The following GBP3 variants were observed in gnomAD, a reference collection of about 807,000 sequenced individuals.
GBP3 encodes the protein guanylate-binding protein 3.
A neutral mutation model predicts 62.4 loss-of-function variants in GBP3; 55 were observed. The observed-to-expected ratio is 0.88, with a 90% CI of 0.71 to 1.10. The LOEUF (loss-of-function observed/expected upper bound fraction) is 1.10, where lower values mean the gene tolerates loss of function less well. Among genes scored for constraint, GBP3 ranks in the 50% least tolerant of loss-of-function variants. GBP3 has a pLI of 0.00. For synonymous variants in GBP3, 208 were observed against 259.2 expected, an observed-to-expected ratio of 0.80 and a Z score of 1.90; for missense variants, 605 against 690.6, an observed-to-expected ratio of 0.88 and a Z score of 1.39.
At position 89,014,588 on chromosome 1, in the gene GBP3, A is replaced by G. The variant is rs909387726; in HGVS notation, c.387T>C (p.Asn129=). The G allele has an allele frequency of 2.5e-6, 4 of 1,613,978 alleles. No individual in the cohort carries two copies. Among genetic ancestry groups the G allele is most frequent in the Non-Finnish European group, 3.4e-6 (4 of 1,179,996 alleles). Residue 129 remains asparagine (N), a synonymous_variant, in exon 4 of 11, where the codon AAT becomes AAC. Transcript: ENST00000370481. ...CCTGCTGGTTGATGGTTCCCATGCT[A>G]TTGTACACGAGAGTGCTGCTCAGGA... ...AVLLSSTLVY[N]SMGTINQQAM...
At chr1:89,013,770 C>A in intron 5 of GBP3, 1 of 404,372 alleles carries the variant, frequency 2.5e-6, no homozygotes, top group Non-Finnish European at 4.4e-6. Context: ...GAATCACGAA[C>A]CCTACATAAG....
chr1:89,008,200 ATAT>A (rs559832817), intron 10 of GBP3, among the ~76,000 whole-genome samples: 8 of 151,818 alleles, frequency 5.3e-5, no homozygotes, highest in Non-Finnish European at 1.0e-4. Context: ...ACCTACACAC[ATAT>A]TATTATTATA....
intron 2 of GBP3, among the ~76,000 whole-genome samples, chr1:89,017,297 G>T (rs1678935099): frequency 6.7e-6 from 1 of 148,214 alleles, no homozygotes; most frequent in Non-Finnish European, 1.5e-5. Context: ...GGGAAAACTG[G>T]ATATTCACAT....
At chr1:89,012,799 C>T (rs1678639599) in intron 6 of GBP3, among the ~76,000 whole-genome samples, 1 of 136,768 alleles carries the variant, frequency 7.3e-6, no homozygotes. Context: ...ACAAATGTAG[C>T]AGTAGATTGG....
Position 89,009,099 on chromosome 1 carries a change from T to C in GBP3, c.1507A>G (p.Met503Val). The C allele has an allele frequency of 1.2e-6, 2 of 1,614,156 alleles. No individual in the cohort carries two copies. Among genetic ancestry groups the C allele is most frequent in the South Asian group, 1.1e-5 (1 of 91,078 alleles). Reference sequence around the variant, plus strand: ...TACTTTATTTGCATTTCCTCCACCATTTTTGCTGAAGCCTGTGCAGATTCA... The same window carrying C: ...TACTTTATTTGCATTTCCTCCACCACTTTTGCTGAAGCCTGTGCAGATTCA... ...KAESAQASAKMVEEMQIKYQQ... is the reference protein window; with the variant it reads ...KAESAQASAKVVEEMQIKYQQ... Residue 503 changes from methionine (M) to valine (V), a missense_variant, in exon 10 of 11, where the codon ATG becomes GTG. Met to Val is a conservative substitution (Grantham distance 21). This residue lies in a region of GBP3 where 160 missense variants were observed against 147.8 expected (regional missense o/e 1.08). Transcript: ENST00000370481.
intron 8 of GBP3, 128 bp downstream of exon 8, chr1:89,010,776 T>C: frequency 8.2e-7 from 1 of 1,224,874 alleles, no homozygotes; most frequent in Middle Eastern, 2.0e-4. Context: ...CTGCATATGT[T>C]ATTGAATGAA....
At chr1:89,009,221 G>T (rs1678413005) in intron 9 of GBP3, 81 bp from the exon 10 acceptor site, 1 of 1,452,222 alleles carries the variant, frequency 6.9e-7, no homozygotes, top group African/African-American at 1.4e-5. Context: ...CATTGTTGCT[G>T]CTGACTGCAT....
intron 2 of GBP3, 156 bp downstream of exon 2, chr1:89,020,376 G>T: frequency 1.3e-6 from 1 of 797,236 alleles, no homozygotes; most frequent in Non-Finnish European, 2.1e-6. Context: ...GTGAGCTGAT[G>T]CTTATCCCCT....
At chr1:89,008,857 C>G (rs747404066) in intron 10 of GBP3, 90 bp downstream of exon 10, 5 of 1,589,594 alleles carry the variant, frequency 3.1e-6, no homozygotes, top group Non-Finnish European at 3.4e-6. Context: ...TTCCCCTGGG[C>G]TTTATGTTCG....
chr1:89,010,086 C>T (rs1250364864), intron 8 of GBP3, among the ~76,000 whole-genome samples: 1 of 151,718 alleles, frequency 6.6e-6, no homozygotes, highest in Non-Finnish European at 1.5e-5. Flanking sequence ...ATTTATAACT[C>T]AATAGTTAAT....
At chr1:89,014,493 T>G (rs1299102495) in intron 4 of GBP3, 54 bp downstream of exon 4, 1 of 1,613,968 alleles carries the variant, frequency 6.2e-7, no homozygotes, top group Non-Finnish European at 8.5e-7. Flanking sequence ...AGCTGGTTTA[T>G]GAATACAGGT....
At position 89,021,544 on chromosome 1, in the gene GBP3, A is replaced by ACACACACACACCCC. The variant is rs761151308; in HGVS notation, c.-22-802_-22-801insGGGGTGTGTGTGTG. 9.3e-3 allele frequency among the ~76,000 whole-genome samples: 1,314 copies of ACACACACACACCCC among 140,982 alleles called. 11 individuals are homozygous for ACACACACACACCCC. The highest frequency in any genetic ancestry group is 0.021 in the South Asian group (89 of 4,184). 92.5% of individuals were successfully genotyped at this position (140,982 alleles called of 152,430 possible). ...CACACACACACACACACACACACACACCCCAAAAAAACCAAACCAAACAAA... is the reference window on the plus strand; with the variant it reads ...CACACACACACACACACACACACACACACACACACACCCCCCCCAAAAAAACCAAACCAAACAAA... On this transcript the variant is annotated intron_variant, in intron 1 of 10. Coordinates refer to ENST00000370481, the MANE Select transcript of GBP3 (RefSeq NM_018284.3).
chr1:89,012,238 T>C lies in GBP3; in HGVS notation c.869-211A>G, dbSNP rs541224807. On this transcript the variant is annotated intron_variant, in intron 6 of 10. Transcript: ENST00000370481. The stretch of plus-strand genomic sequence containing the variant: ...CTTTGGGTAAGATCCCTAGATGATA[T>C]GTATGCATATCAACATTTGAGAATC... 6.5e-5 allele frequency among the ~76,000 whole-genome samples: 9 copies of C among 139,140 alleles called. 4 individuals are homozygous for C. In the South Asian group the frequency reaches 2.1e-3, roughly 33 times the overall value. 91.3% of individuals were successfully genotyped at this position (139,140 alleles called of 152,430 possible).
chr1:89,010,339 C>G (rs1279179591), intron 8 of GBP3, among the ~76,000 whole-genome samples: 2 of 137,608 alleles, frequency 1.5e-5, no homozygotes, highest in Non-Finnish European at 3.3e-5. Flanking sequence ...CCAGGATGGT[C>G]TTGATCTCCT....
intron 1 of GBP3, among the ~76,000 whole-genome samples, chr1:89,021,658 A>AATAAATT (rs1679225493): frequency 6.6e-6 from 1 of 152,042 alleles, no homozygotes; most frequent in African/African-American, 2.4e-5. Flanking sequence ...GTGAAAAGAA[A>AATAAATT]ATAAATTTCC....
At chr1:89,016,483 C>T (rs1398835431) in intron 2 of GBP3, among the ~76,000 whole-genome samples, 1 of 152,176 alleles carries the variant, frequency 6.6e-6, no homozygotes, top group Non-Finnish European at 1.5e-5. Flanking sequence ...TGTGCCACTG[C>T]ACTCCAGGCT....
In GBP3 at chr1:89,020,561, A is replaced by G. The variant is rs1679130453; in HGVS notation, c.161T>C (p.Leu54Pro). ...ATTCTTCCCAGCTAGCTTGTTCATCAGGTAGGATTTTCCTGTGCGGTAGAG... is the reference window on the plus strand; with the variant it reads ...ATTCTTCCCAGCTAGCTTGTTCATCGGGTAGGATTTTCCTGTGCGGTAGAG... ...VGLYRTGKSY[L>P]MNKLAGKNKG... The change falls in exon 2 of 11, where the codon CTG becomes CCG. Residue 54 changes from leucine (L) to proline (P), a missense_variant. By Grantham distance (98) the Leu-to-Pro change is moderately conservative. Coordinates refer to ENST00000370481, the MANE Select transcript of GBP3 (RefSeq NM_018284.3). The G allele has an allele frequency of 6.2e-7, 1 of 1,614,126 alleles. No homozygotes were observed. Among genetic ancestry groups the G allele is most frequent in the Middle Eastern group, 1.7e-4 (1 of 6,060 alleles).
chr1:89,007,922 A>G, intron 10 of GBP3, 70 bp from the exon 11 acceptor site: 2 of 1,407,190 alleles, frequency 1.4e-6, no homozygotes, highest in Non-Finnish European at 1.9e-6. Flanking sequence ...TCTAGTTTCC[A>G]CATGCATTGA....
chr1:89,020,420 G>A (rs753416195), intron 2 of GBP3, 112 bp downstream of exon 2: 32 of 1,262,400 alleles, frequency 2.5e-5, no homozygotes, highest in Non-Finnish European at 3.3e-5. Context: ...AACTGTGAAT[G>A]GAAAGTTAGC....
Sources: gnomAD v4.1 joint callset for allele counts (sites outside exome capture counted in the v4.1 genomes callset) on GRCh38, gnomAD v4.1.1 for gene constraint, gnomAD v4.1.1 regional missense constraint, MANE v1.5 for transcripts, NCBI Gene and HGNC (gene_info 2026-07-23, HGNC 2026-07-21) for gene names.